ZFR: variants seen among roughly 807,000 people sequenced by gnomAD.
The protein encoded by ZFR is zinc finger RNA-binding protein.
ZFR carries 19 observed loss-of-function variants against 130.7 expected under a neutral mutation model. The observed-to-expected ratio is 0.15, with a 90% CI of 0.10 to 0.21. ZFR has a LOEUF of 0.21. ZFR is among the 10% of genes least tolerant of loss of function. The pLI is 1.00. For missense variants in ZFR, 872 were observed against 1,321.5 expected (o/e 0.66, Z 5.27); for synonymous variants, 466 against 456.9 (o/e 1.02, Z -0.25).
At chr5:32,384,714 A>C (rs890560279) in intron 15 of ZFR, among the ~76,000 whole-genome samples, 1 of 152,206 alleles carries the variant, frequency 6.6e-6, no homozygotes, top group Non-Finnish European at 1.5e-5. Context: ...AACATACTGC[A>C]GACACTGATC....
At chr5:32,444,206 G>T in intron 2 of ZFR, 23 bp downstream of exon 2, 4 of 1,595,374 alleles carry the variant, frequency 2.5e-6, no homozygotes, top group Non-Finnish European at 3.4e-6. Context: ...GGGGCGAACA[G>T]AGAGAAGGCA....
At chr5:32,431,767 T>TG (rs1754228289) in intron 2 of ZFR, among the ~76,000 whole-genome samples, 1 of 119,636 alleles carries the variant, frequency 8.4e-6, no homozygotes, top group Admixed American at 8.4e-5. Context: ...GATATAACAT[T>TG]GAAAAAAAAA....
At chr5:32,379,491 T>TAA (rs10637155) in intron 16 of ZFR, 107,181 of 225,472 alleles carry the variant, frequency 0.48, 22,937 homozygotes, top group African/African-American at 0.64. Flanking sequence ...ACAGTAAACT[T>TAA]AAAAAAAAAA....
At chr5:32,360,421 G>A (rs1752406959) in intron 19 of ZFR, among the ~76,000 whole-genome samples, 1 of 152,076 alleles carries the variant, frequency 6.6e-6, no homozygotes, top group East Asian at 1.9e-4. Context: ...AACTACCACT[G>A]CCTATTATGA....
intron 17 of ZFR, among the ~76,000 whole-genome samples, chr5:32,365,641 C>T (rs1752525207): frequency 6.6e-6 from 1 of 150,666 alleles, no homozygotes; most frequent in Admixed American, 6.6e-5. Flanking sequence ...TCACTGCAGC[C>T]TCAAGCTCTT....
chr5:32,402,142 A>T (rs974654582), intron 8 of ZFR, among the ~76,000 whole-genome samples: 3 of 147,214 alleles, frequency 2.0e-5, no homozygotes, highest in African/African-American at 7.9e-5. Context: ...AATGAATGAG[A>T]CCACCCATTA....
At chr5:32,379,861 A>G in intron 16 of ZFR, 1 of 419,320 alleles carries the variant, frequency 2.4e-6, no homozygotes, top group Admixed American at 3.8e-5. Flanking sequence ...CAACTACAAA[A>G]CACTCCCCAA....
chr5:32,373,151 T>C (rs1220679683), intron 17 of ZFR, among the ~76,000 whole-genome samples: 2 of 152,106 alleles, frequency 1.3e-5, no homozygotes, highest in African/African-American at 2.4e-5. Context: ...TCCCAGCACT[T>C]TGGGAGGCTG....
rs911901109 is a variant in ZFR, at chr5:32,385,571, T to C, written c.2578A>G (p.Lys860Glu). 3 of 1,613,488 alleles carry C rather than the reference T, an allele frequency of 1.9e-6. No individual in the cohort carries two copies. Among genetic ancestry groups the C allele is most frequent in the Admixed American group, 3.3e-5 (2 of 59,982 alleles). Residue 860 changes from lysine to glutamate, a missense_variant, in exon 15 of 20, where the codon AAA (lysine) becomes GAA (glutamate). Transcript: ENST00000265069. ...AIILNSCVEP[K>E]MQVTITLTSP... ...GTCAGTGTGATAGTGACTTGCATTT[T>C]GGGTTCCACACATGAATTCAAAATT...
intron 9 of ZFR, 87 bp from the exon 10 acceptor site, chr5:32,397,425 C>T: frequency 6.6e-7 from 1 of 1,504,180 alleles, no homozygotes; most frequent in Non-Finnish European, 9.0e-7. Context: ...TGAAGTTGTA[C>T]ACAGTTAGAA....
chr5:32,380,937 A>T (rs2111711185), intron 15 of ZFR, among the ~76,000 whole-genome samples: 1 of 152,212 alleles, frequency 6.6e-6, no homozygotes, highest in Non-Finnish European at 1.5e-5. Context: ...GGCGTGAGCC[A>T]CTGCGCCCGG....
intron 11 of ZFR, among the ~76,000 whole-genome samples, chr5:32,392,590 C>T (rs143661635): frequency 0.017 from 2,543 of 152,280 alleles, 36 homozygotes; most frequent in Non-Finnish European, 0.026. Context: ...ATGGCTATCA[C>T]ATTTAATTGG....
At chr5:32,439,392 A>G (rs1378247414) in intron 2 of ZFR, among the ~76,000 whole-genome samples, 1 of 152,180 alleles carries the variant, frequency 6.6e-6, no homozygotes, top group Non-Finnish European at 1.5e-5. Context: ...TCTTAACACT[A>G]CTTTCAAATA....
At chr5:32,374,589 G>C (rs1224227803) in intron 17 of ZFR, among the ~76,000 whole-genome samples, 2 of 151,882 alleles carry the variant, frequency 1.3e-5, no homozygotes, top group Non-Finnish European at 2.9e-5. Flanking sequence ...AATCTATTAA[G>C]AATCTAATAA....
At position 32,356,337 on chromosome 5, in the gene ZFR, A is replaced by C. The variant is rs1581672539; in HGVS notation, c.3046-398T>G. ...GACAGTATGTAACTTAAGAACTGTA[A>C]TTATACTCATGTGGATGTACCAAAC... is the stretch of plus-strand genomic sequence containing the variant. On this transcript the variant is annotated intron_variant, in intron 19 of 19. Coordinates refer to ENST00000265069, the MANE Select transcript of ZFR (RefSeq NM_016107.5). Among the ~76,000 whole-genome samples the C allele has an allele frequency of 5.3e-5, 8 of 152,328 alleles. No homozygotes were observed. In the South Asian group the frequency reaches 1.5e-3, roughly 28 times the overall value.
intron 2 of ZFR, among the ~76,000 whole-genome samples, chr5:32,429,612 G>A (rs761833637): frequency 2.2e-4 from 33 of 152,124 alleles, no homozygotes; most frequent in Non-Finnish European, 2.2e-4. Flanking sequence ...AGAAGTTTCC[G>A]ATTTTGGAAT....
chr5:32,372,244 T>C (rs1001341461), intron 17 of ZFR, among the ~76,000 whole-genome samples: 1 of 152,188 alleles, frequency 6.6e-6, no homozygotes. Context: ...TTGCATGACA[T>C]CTTTGTACTT....
rs1429803099 is a variant in ZFR, at chr5:32,379,963, A to C, written c.2739+112T>G. 3 of 746,452 alleles carry C rather than the reference A, an allele frequency of 4.0e-6. No homozygotes were observed. The African/African-American group carries it at 5.2e-5, about 13-fold the overall frequency. The allele number at this position is 746,452 out of a possible 1,614,324, so 46.2% of individuals were successfully genotyped here. ...TAACATATTTTCTGATATTTAATTT[A>C]AAATAGTATTGCTTGGGCAGTCTTT... On this transcript the variant is annotated intron_variant, in intron 16 of 19. Coordinates refer to ENST00000265069, the MANE Select transcript of ZFR (RefSeq NM_016107.5).
chr5:32,396,640 A>T (rs974054648), intron 10 of ZFR, among the ~76,000 whole-genome samples: 1 of 152,156 alleles, frequency 6.6e-6, no homozygotes, highest in Non-Finnish European at 1.5e-5. Context: ...CGGGAGGCGG[A>T]GACAGGAGAA....
Sources: gnomAD v4.1 joint callset for allele counts (sites outside exome capture counted in the v4.1 genomes callset) on GRCh38, gnomAD v4.1.1 for gene constraint, MANE v1.5 for transcripts, NCBI Gene and HGNC (gene_info 2026-07-23, HGNC 2026-07-21) for gene names.